The following FCHO1 variants were observed in gnomAD, a reference collection of about 807,000 sequenced individuals.
FCHO1 encodes F-BAR domain only protein 1.
A neutral mutation model predicts 114.4 loss-of-function variants in FCHO1; 45 were observed. The ratio of observed to expected loss-of-function variants is 0.39; its 90% CI spans 0.31 to 0.50. The LOEUF (loss-of-function observed/expected upper bound fraction) is 0.50, where lower values mean the gene tolerates loss of function less well. Ranked by LOEUF, FCHO1 falls within the 20% of genes least tolerant of loss-of-function variation. FCHO1 has a pLI of 0.77. For synonymous variants in FCHO1, 480 were observed against 488.9 expected (o/e 0.98, Z 0.24); for missense variants, 1,042 against 1,209.6 (o/e 0.86, Z 2.06).
intron 4 of FCHO1, among the ~76,000 whole-genome samples, chr19:17,756,612 C>T (rs984087381): frequency 6.6e-6 from 1 of 152,118 alleles, no homozygotes; most frequent in African/African-American, 2.4e-5. Flanking sequence ...ACCTCTGTTT[C>T]CCCATCTGGG....
chr19:17,785,322 C>T (rs975716532), intron 26 of FCHO1, among the ~76,000 whole-genome samples: 9 of 152,162 alleles, frequency 5.9e-5, no homozygotes, highest in African/African-American at 2.2e-4. Flanking sequence ...CGGGTTCAAG[C>T]GATTTTCTCT....
At chr19:17,782,881 CG>C in intron 23 of FCHO1, 135 bp from the exon 24 acceptor site, 1 of 936,970 alleles carries the variant, frequency 1.1e-6, no homozygotes, top group Non-Finnish European at 1.6e-6. Flanking sequence ...GGAAAGGATA[CG>C]GGGGATCATC....
intron 4 of FCHO1, among the ~76,000 whole-genome samples, chr19:17,761,338 C>G (rs1183317249): frequency 6.6e-6 from 1 of 150,424 alleles, no homozygotes; most frequent in African/African-American, 2.4e-5. Context: ...CTTATAAGAT[C>G]AAATGATTAT....
At position 17,755,170 on chromosome 19, in the gene FCHO1, G is replaced by T; in HGVS notation, c.6G>T (p.Ser2=). 6.2e-7 allele frequency: 1 copy of T among 1,611,204 alleles called. No homozygotes were observed. The highest frequency in any genetic ancestry group is 8.5e-7 in the Non-Finnish European group (1 of 1,178,850). The change falls in exon 4 of 29, where the codon TCG becomes TCT. Residue 2 remains serine (S), a synonymous_variant. Coordinates refer to ENST00000596536, the MANE Select transcript of FCHO1 (RefSeq NM_015122.3). M[S]YFGEHFWGEK... The stretch of plus-strand genomic sequence containing the variant: ...TCTCCACAGAGACCATCAGGATGTC[G>T]TATTTTGGGGAGCATTTTTGGGTAA...
chr19:17,781,618 G>A (rs2093417442), intron 22 of FCHO1, 79 bp downstream of exon 22: 1 of 1,565,242 alleles, frequency 6.4e-7, no homozygotes, highest in Non-Finnish European at 8.8e-7. Flanking sequence ...TTCTCTGTTG[G>A]CAGAGGTGTG....
chr19:17,781,857 C>A, intron 23 of FCHO1, 37 bp downstream of exon 23: 1 of 1,429,796 alleles, frequency 7.0e-7, no homozygotes, highest in Non-Finnish European at 9.6e-7. Flanking sequence ...CGTGGGAAGT[C>A]TGTGTTGGGG....
intron 7 of FCHO1, 47 bp from the exon 8 acceptor site, chr19:17,770,378 G>A: frequency 6.4e-7 from 1 of 1,561,942 alleles, no homozygotes; most frequent in Non-Finnish European, 8.7e-7. Context: ...TGTTTGGGAG[G>A]TCAGGAATTT....
At chr19:17,764,831 T>C (rs2088114798) in intron 6 of FCHO1, among the ~76,000 whole-genome samples, 1 of 151,516 alleles carries the variant, frequency 6.6e-6, no homozygotes, top group Admixed American at 6.6e-5. Flanking sequence ...TTTGGGAGGC[T>C]GAAGTGGGCG....
At chr19:17,779,711 G>T (rs2093157365) in intron 20 of FCHO1, among the ~76,000 whole-genome samples, 1 of 127,676 alleles carries the variant, frequency 7.8e-6, no homozygotes, top group Non-Finnish European at 1.7e-5. Flanking sequence ...GGATGGGGAA[G>T]GGGCGGAGAC....
intron 5 of FCHO1, among the ~76,000 whole-genome samples, chr19:17,763,367 A>G (rs1174704451): frequency 6.7e-6 from 1 of 149,832 alleles, no homozygotes; most frequent in Non-Finnish European, 1.5e-5. Flanking sequence ...GGGTTCCAGC[A>G]ATTCTCCTGC....
intron 6 of FCHO1, among the ~76,000 whole-genome samples, chr19:17,765,393 C>T (rs576009363): frequency 4.4e-4 from 67 of 152,126 alleles, no homozygotes; most frequent in African/African-American, 1.3e-3. Flanking sequence ...ACCTTGTGCC[C>T]GGGCGCGGTG....
At chr19:17,777,073 C>T (rs1307219271) in intron 18 of FCHO1, among the ~76,000 whole-genome samples, 1 of 151,652 alleles carries the variant, frequency 6.6e-6, no homozygotes, top group Admixed American at 6.6e-5. Context: ...GCTGGGATTA[C>T]AGGCATGAGC....
At chr19:17,780,498 G>A (rs1209788610) in intron 20 of FCHO1, among the ~76,000 whole-genome samples, 1 of 151,844 alleles carries the variant, frequency 6.6e-6, no homozygotes, top group African/African-American at 2.4e-5. Flanking sequence ...TGCAAATTCT[G>A]CCCCCCCAGG....
chr19:17,787,704 C>T lies in FCHO1; in HGVS notation c.2505C>T (p.Ser835=). 6.4e-7 allele frequency: 1 copy of T among 1,566,310 alleles called. No individual in the cohort carries two copies. Among genetic ancestry groups the T allele is most frequent in the Non-Finnish European group, 8.7e-7 (1 of 1,155,854 alleles). Residue 835 remains serine (S), a synonymous_variant, in exon 28 of 29, where the codon AGC becomes AGT. Coordinates refer to ENST00000596536, the MANE Select transcript of FCHO1 (RefSeq NM_015122.3). ...EAGGSGRLSA[S]WEPLSGPSTP... ...CAGGTTCTGGCCGCCTCTCTGCCAGCTGGGAGCCGCTCTCAGGGCCCAGCA... is the reference window on the plus strand; with the variant it reads ...CAGGTTCTGGCCGCCTCTCTGCCAGTTGGGAGCCGCTCTCAGGGCCCAGCA...
intron 4 of FCHO1, 126 bp from the exon 5 acceptor site, chr19:17,762,636 C>T: frequency 2.6e-6 from 2 of 757,590 alleles, no homozygotes; most frequent in East Asian, 2.4e-5. Context: ...CAAGCTGATT[C>T]GCTCAGGCCC....
At chr19:17,764,248 C>A in intron 5 of FCHO1, 127 bp from the exon 6 acceptor site, 1 of 883,220 alleles carries the variant, frequency 1.1e-6, no homozygotes, top group Admixed American at 2.1e-5. Context: ...ACCAAGTTGG[C>A]CAGGCTGGTC....
In FCHO1 at chr19:17,784,350, A is replaced by G. The variant is rs1346310749; in HGVS notation, c.2226+115A>G. Reference sequence around the variant, plus strand: ...AGGCTGGTCTCGAATTCCTGACCTCAAGAGATCCAATCTGTGAGAGCCGAT... The same window carrying G: ...AGGCTGGTCTCGAATTCCTGACCTCGAGAGATCCAATCTGTGAGAGCCGAT... On this transcript the variant is annotated intron_variant, in intron 25 of 28. Transcript: ENST00000596536. This position sits in a 1 kb window ranked among gnomAD's most constrained non-coding sequence, Gnocchi z 5.3. 7.7e-7 allele frequency: 1 copy of G among 1,305,438 alleles called. No homozygotes were observed. The highest frequency in any genetic ancestry group is 1.0e-6 in the Non-Finnish European group (1 of 954,900). The allele number at this position is 1,305,438 out of a possible 1,614,324, so 80.9% of individuals were successfully genotyped here. A position where few individuals can be genotyped will look rare whatever the true frequency, so the allele number is the denominator to read the frequency against.
At chr19:17,785,656 A>T (rs544340989) in intron 26 of FCHO1, among the ~76,000 whole-genome samples, 1 of 148,612 alleles carries the variant, frequency 6.7e-6, no homozygotes, top group South Asian at 2.1e-4. Context: ...ATATGGTGAA[A>T]CCCCGTCTCT....
chr19:17,774,572 A>G (rs916450587), intron 13 of FCHO1, 94 bp downstream of exon 13: 3 of 958,670 alleles, frequency 3.1e-6, no homozygotes, highest in Non-Finnish European at 3.2e-6. Flanking sequence ...AGGATAGCCC[A>G]GGAGTATCCA....
Sources: allele counts gnomAD v4.1 joint callset (sites outside exome capture counted in the v4.1 genomes callset), GRCh38; gene constraint gnomAD v4.1.1; non-coding constraint Gnocchi (gnomAD v3.1); transcripts MANE v1.5; gene names NCBI Gene and HGNC (gene_info 2026-07-23, HGNC 2026-07-21).